The following UBXN7 variants were observed in gnomAD, a reference collection of about 807,000 sequenced individuals.
UBXN7 encodes UBX domain protein 7.
UBXN7 carries 9 observed loss-of-function variants against 58.0 expected under a neutral mutation model. The observed-to-expected ratio is 0.16, with a 90% CI of 0.09 to 0.27. UBXN7 has a LOEUF of 0.27. Ranked by LOEUF, UBXN7 falls within the 10% of genes least tolerant of loss-of-function variation. The pLI is 1.00. For missense variants in UBXN7, 328 were observed against 599.6 expected (o/e 0.55, Z 4.73); for synonymous variants, 208 against 205.0 (o/e 1.01, Z -0.12).
Position 196,402,979 on chromosome 3 carries a change from G to T in UBXN7, c.262C>A (p.Leu88Met). Residue 88 changes from leucine to methionine, a missense_variant, in exon 3 of 11, where the codon CTG becomes ATG. Around this residue, in one of 4 missense-constraint regions of UBXN7, gnomAD observed 106 missense variants for 124.3 expected, o/e 0.85. Transcript: ENST00000296328. ...CCAAATAATGGTTCTGGTTCCACCA[G>T]TATTTCCTGCTTTTGAGGAATTGGG... Reference protein sequence around the residue: ...RAPIPQKQEILVEPEPLFGAP... With the variant: ...RAPIPQKQEIMVEPEPLFGAP... 1 of 1,598,634 alleles carries T rather than the reference G, an allele frequency of 6.3e-7. No individual in the cohort carries two copies. The highest frequency in any genetic ancestry group is 1.4e-5 in the African/African-American group (1 of 73,788).
At chr3:196,422,226 C>T (rs1730711333) in intron 1 of UBXN7, among the ~76,000 whole-genome samples, 2 of 151,806 alleles carry the variant, frequency 1.3e-5, no homozygotes, top group Admixed American at 6.6e-5. Context: ...AAAGCCCAGG[C>T]GTGGAGGCTC....
intron 3 of UBXN7, among the ~76,000 whole-genome samples, chr3:196,396,670 G>A (rs1676746533): frequency 6.6e-6 from 1 of 152,084 alleles, no homozygotes; most frequent in Admixed American, 6.6e-5. Context: ...GGCTGAGGCA[G>A]GAGAACAGCG....
At chr3:196,397,409 T>C (rs940757293) in intron 3 of UBXN7, 18 of 152,210 alleles carry the variant, frequency 1.2e-4, no homozygotes, top group African/African-American at 3.9e-4. Flanking sequence ...TTCCTTTAGA[T>C]CTGCTGCTAT....
At chr3:196,366,217 A>G (rs1328328128) in intron 8 of UBXN7, among the ~76,000 whole-genome samples, 2 of 152,166 alleles carry the variant, frequency 1.3e-5, no homozygotes, top group African/African-American at 2.4e-5. Context: ...CACATCTTCT[A>G]AAACTATTTT....
At chr3:196,427,524 G>T (rs1333488600) in intron 1 of UBXN7, among the ~76,000 whole-genome samples, 1 of 152,210 alleles carries the variant, frequency 6.6e-6, no homozygotes, top group African/African-American at 2.4e-5. Flanking sequence ...CACCAGGTTG[G>T]CCAGACTGGT....
chr3:196,404,156 T>C (rs1030406456), intron 2 of UBXN7, among the ~76,000 whole-genome samples: 1 of 152,108 alleles, frequency 6.6e-6, no homozygotes, highest in Non-Finnish European at 1.5e-5. Context: ...ACTTTGCTGA[T>C]TAATGTTCAC....
At chr3:196,427,350 C>T (rs1337430340) in intron 1 of UBXN7, among the ~76,000 whole-genome samples, 1 of 152,244 alleles carries the variant, frequency 6.6e-6, no homozygotes, top group Non-Finnish European at 1.5e-5. Flanking sequence ...CAGAGTCTCG[C>T]TCTGTCGCCC....
rs1424879423 is a variant in UBXN7, at chr3:196,355,491, ATGT to A, written c.*1191_*1193del. 3.3e-5 allele frequency: 5 copies of A among 152,170 alleles called. No individual in the cohort carries two copies. The highest frequency in any genetic ancestry group is 7.3e-5 in the Non-Finnish European group (5 of 68,028). 9.4% of individuals were successfully genotyped at this position (152,170 alleles called of 1,614,324 possible). ...TAACCTCCGCCATCCTCCTTACTAA[ATGT>A]TGTCTTCTGAATGGAGTTGAAAGGT... On this transcript the variant is annotated 3_prime_UTR_variant, in exon 11 of 11. Coordinates refer to ENST00000296328, the MANE Select transcript of UBXN7 (RefSeq NM_015562.2).
rs1057329054 is a variant in UBXN7, at chr3:196,353,396, A to G, written c.*3289T>C. Reference sequence around the variant, plus strand: ...GTTTCCTGTTCTTTTCTCATTTGGCACTGTTGTTTTCTCTTCTCCAGTTCC... The same window carrying G: ...GTTTCCTGTTCTTTTCTCATTTGGCGCTGTTGTTTTCTCTTCTCCAGTTCC... On this transcript the variant is annotated 3_prime_UTR_variant, in exon 11 of 11. Coordinates refer to ENST00000296328, the MANE Select transcript of UBXN7 (RefSeq NM_015562.2). The G allele has an allele frequency of 2.0e-5, 3 of 152,082 alleles. No homozygotes were observed. Among genetic ancestry groups the G allele is most frequent in the African/African-American group, 7.2e-5 (3 of 41,414 alleles). 9.4% of individuals were successfully genotyped at this position (152,082 alleles called of 1,614,324 possible). A position where few individuals can be genotyped will look rare whatever the true frequency, so the allele number is the denominator to read the frequency against.
At chr3:196,392,167 C>A (rs1416842053) in intron 4 of UBXN7, among the ~76,000 whole-genome samples, 1 of 151,992 alleles carries the variant, frequency 6.6e-6, no homozygotes, top group Non-Finnish European at 1.5e-5. Flanking sequence ...AAAATATTCA[C>A]TTAATCAAAG....
intron 3 of UBXN7, among the ~76,000 whole-genome samples, chr3:196,401,607 G>A (rs1329738697): frequency 6.7e-6 from 1 of 149,640 alleles, no homozygotes; most frequent in African/African-American, 2.4e-5. Context: ...ACCAGGGCCT[G>A]GTTGAGGGTG....
intron 7 of UBXN7, among the ~76,000 whole-genome samples, chr3:196,368,630 C>T (rs1032639232): frequency 2.6e-5 from 4 of 152,110 alleles, no homozygotes; most frequent in Admixed American, 6.6e-5. Context: ...AACAGATTCC[C>T]ACCCGTAATG....
intron 1 of UBXN7, among the ~76,000 whole-genome samples, chr3:196,429,143 C>T (rs1268009070): frequency 6.6e-6 from 1 of 152,006 alleles, no homozygotes; most frequent in East Asian, 1.9e-4. Context: ...CCAGATAACA[C>T]GGTGAAACCC....
chr3:196,423,930 C>T (rs1319786964), intron 1 of UBXN7, among the ~76,000 whole-genome samples: 1 of 148,994 alleles, frequency 6.7e-6, no homozygotes, highest in East Asian at 1.9e-4. Context: ...CACTCTCTTG[C>T]CCAGGCTGGA....
In UBXN7 at chr3:196,354,036, A is replaced by G. The variant is rs1187486678; in HGVS notation, c.*2649T>C. On this transcript the variant is annotated 3_prime_UTR_variant, in exon 11 of 11. Coordinates refer to ENST00000296328, the MANE Select transcript of UBXN7 (RefSeq NM_015562.2). ...GGCAAACTGGAAGAAGCATACTGTC[A>G]GCGGATTAAATTCTTGAGCAAGGCA... 21 of 152,234 alleles carry G rather than the reference A, an allele frequency of 1.4e-4. No homozygotes were observed. The highest frequency in any genetic ancestry group is 1.4e-3 in the Admixed American group (21 of 15,284). The allele number at this position is 152,234 out of a possible 1,614,324, so 9.4% of individuals were successfully genotyped here.
Position 196,351,567 on chromosome 3 carries a change from GGA to G in UBXN7, c.*5116_*5117del, listed in dbSNP as rs1728215384. 1 of 152,134 alleles carries G rather than the reference GGA, an allele frequency of 6.6e-6. No individual in the cohort carries two copies. The highest frequency in any genetic ancestry group is 1.5e-5 in the Non-Finnish European group (1 of 68,024). 9.4% of individuals were successfully genotyped at this position (152,134 alleles called of 1,614,324 possible). The stretch of plus-strand genomic sequence containing the variant: ...GCCTAGGGATAATACGCAATCACGG[GGA>G]GAGACTGGAAGCATGAAATTTTGGA... On this transcript the variant is annotated 3_prime_UTR_variant, in exon 11 of 11. Coordinates refer to ENST00000296328, the MANE Select transcript of UBXN7 (RefSeq NM_015562.2).
At chr3:196,417,271 G>C (rs183274423) in intron 1 of UBXN7, among the ~76,000 whole-genome samples, 43 of 152,154 alleles carry the variant, frequency 2.8e-4, no homozygotes, top group South Asian at 1.7e-3. Context: ...GAGATCGCGC[G>C]ACTGCACTCC....
intron 1 of UBXN7, among the ~76,000 whole-genome samples, chr3:196,429,010 T>TAAA (rs11401303): frequency 5.2e-4 from 66 of 126,270 alleles, no homozygotes; most frequent in African/African-American, 1.5e-3. Flanking sequence ...CTCCATCTCT[T>TAAA]AAAAAAAAAA....
intron 5 of UBXN7, among the ~76,000 whole-genome samples, chr3:196,372,541 C>T (rs1372407841): frequency 6.6e-6 from 1 of 151,980 alleles, no homozygotes; most frequent in Non-Finnish European, 1.5e-5. Flanking sequence ...GGGGTATCAA[C>T]ATGTTGGCCA....
Sources: gnomAD v4.1 joint callset for allele counts (sites outside exome capture counted in the v4.1 genomes callset) on GRCh38, gnomAD v4.1.1 for gene constraint, gnomAD v4.1.1 regional missense constraint, MANE v1.5 for transcripts, NCBI Gene and HGNC (gene_info 2026-07-23, HGNC 2026-07-21) for gene names.